The following GRXCR1 variants were observed in gnomAD, a reference collection of about 807,000 sequenced individuals.
GRXCR1 encodes glutaredoxin and cysteine rich domain containing 1.
GRXCR1 carries 27 observed loss-of-function variants against 27.3 expected under a neutral mutation model. The observed-to-expected ratio is 0.99, with a 90% confidence interval of 0.73 to 1.37. The LOEUF is 1.37. Among genes scored for constraint, GRXCR1 ranks in the 40% most tolerant of loss-of-function variants. GRXCR1 has a pLI of 0.00. For synonymous variants in GRXCR1, 122 were observed against 131.1 expected (o/e 0.93, Z 0.47); for missense variants, 379 against 354.4 (o/e 1.07, Z -0.56).
intron 2 of GRXCR1, 128 bp downstream of exon 2, chr4:42,963,262 A>AGG: frequency 9.9e-7 from 1 of 1,011,568 alleles, no homozygotes; most frequent in Non-Finnish European, 1.6e-6. Context: ...CTCAAACCAA[A>AGG]GGGATTGGAG....
At chr4:42,927,251 C>G (rs1472595377) in intron 1 of GRXCR1, among the ~76,000 whole-genome samples, 6 of 151,892 alleles carry the variant, frequency 4.0e-5, no homozygotes, top group Non-Finnish European at 8.8e-5. Flanking sequence ...CTGGGGTTGT[C>G]TTGCTATGAT....
intron 2 of GRXCR1, among the ~76,000 whole-genome samples, chr4:43,003,817 A>G (rs561334234): frequency 1.3e-5 from 2 of 152,338 alleles, no homozygotes; most frequent in East Asian, 3.9e-4. Context: ...CTTATGTTTA[A>G]AGGGGAAGCA....
At chr4:42,961,458 A>G (rs1298206822) in intron 1 of GRXCR1, among the ~76,000 whole-genome samples, 3 of 152,004 alleles carry the variant, frequency 2.0e-5, no homozygotes, top group Non-Finnish European at 4.4e-5. Flanking sequence ...TTAAGTTGCT[A>G]CGTAAAATAA....
At chr4:42,925,437 C>T (rs1212540960) in intron 1 of GRXCR1, among the ~76,000 whole-genome samples, 2 of 151,924 alleles carry the variant, frequency 1.3e-5, no homozygotes, top group African/African-American at 4.8e-5. Flanking sequence ...GCATCAGGAT[C>T]CTGAATCAAA....
At chr4:43,003,242 A>G (rs1202581589) in intron 2 of GRXCR1, among the ~76,000 whole-genome samples, 1 of 152,198 alleles carries the variant, frequency 6.6e-6, no homozygotes, top group Non-Finnish European at 1.5e-5. Flanking sequence ...AACATGGCAT[A>G]TGTATACGTA....
At chr4:42,958,822 C>T (rs1037002292) in intron 1 of GRXCR1, among the ~76,000 whole-genome samples, 1 of 151,854 alleles carries the variant, frequency 6.6e-6, no homozygotes, top group African/African-American at 2.4e-5. Context: ...AAGTGCTCAA[C>T]ATCAATAATA....
At chr4:43,029,174 A>T (rs1207546950) in intron 3 of GRXCR1, among the ~76,000 whole-genome samples, 1 of 152,224 alleles carries the variant, frequency 6.6e-6, no homozygotes, top group Non-Finnish European at 1.5e-5. Flanking sequence ...AAAAATTCTC[A>T]TAATTATATG....
intron 1 of GRXCR1, among the ~76,000 whole-genome samples, chr4:42,925,488 A>C (rs1013850097): frequency 6.6e-6 from 1 of 152,112 alleles, no homozygotes; most frequent in South Asian, 2.1e-4. Flanking sequence ...CAGTTAACCA[A>C]ATTTTGCTAA....
At chr4:42,905,699 C>T (rs1746572885) in intron 1 of GRXCR1, among the ~76,000 whole-genome samples, 1 of 152,170 alleles carries the variant, frequency 6.6e-6, no homozygotes, top group African/African-American at 2.4e-5. Context: ...CAAAAGAAAA[C>T]ATTCCTTACA....
chr4:42,903,460 C>T (rs1219042564), intron 1 of GRXCR1, among the ~76,000 whole-genome samples: 1 of 145,908 alleles, frequency 6.9e-6, no homozygotes, highest in African/African-American at 2.5e-5. Context: ...TACAGGCACC[C>T]ACCACCACGC....
chr4:42,937,675 C>T (rs2345759), intron 1 of GRXCR1, among the ~76,000 whole-genome samples: 30,921 of 151,774 alleles, frequency 0.2, 3,898 homozygotes, highest in Admixed American at 0.3. Context: ...TTCTAAATTC[C>T]CACTCTCAAC....
intron 1 of GRXCR1, among the ~76,000 whole-genome samples, chr4:42,900,028 C>G (rs1440489257): frequency 6.6e-6 from 1 of 152,100 alleles, no homozygotes; most frequent in Admixed American, 6.6e-5. Flanking sequence ...CTTAAAAATG[C>G]AATTTAACAG....
At chr4:43,005,368 T>C (rs943488536) in intron 2 of GRXCR1, among the ~76,000 whole-genome samples, 1 of 152,190 alleles carries the variant, frequency 6.6e-6, no homozygotes, top group Non-Finnish European at 1.5e-5. Context: ...GTTTCTGACA[T>C]TTTTTAGTTG....
intron 2 of GRXCR1, among the ~76,000 whole-genome samples, chr4:43,015,460 A>G (rs1225408968): frequency 1.3e-5 from 2 of 152,126 alleles, no homozygotes; most frequent in Admixed American, 6.6e-5. Flanking sequence ...TTATTTGAAA[A>G]CAATATTTTT....
At chr4:42,940,232 T>C (rs1747584827) in intron 1 of GRXCR1, among the ~76,000 whole-genome samples, 1 of 152,094 alleles carries the variant, frequency 6.6e-6, no homozygotes, top group Non-Finnish European at 1.5e-5. Context: ...CTCATGCTAG[T>C]ACACACTTTG....
chr4:42,945,937 A>T (rs1019254983), intron 1 of GRXCR1, among the ~76,000 whole-genome samples: 5 of 152,168 alleles, frequency 3.3e-5, no homozygotes, highest in Non-Finnish European at 5.9e-5. Context: ...CAAGTTTTTC[A>T]GCCTTTTCCT....
intron 2 of GRXCR1, among the ~76,000 whole-genome samples, chr4:42,985,748 T>G (rs2109787810): frequency 6.6e-6 from 1 of 152,284 alleles, no homozygotes; most frequent in South Asian, 2.1e-4. Flanking sequence ...CAAATCTAGG[T>G]TTCCTTTTAG....
chr4:42,934,741 C>T (rs763274028), intron 1 of GRXCR1, among the ~76,000 whole-genome samples: 2 of 151,928 alleles, frequency 1.3e-5, no homozygotes, highest in Non-Finnish European at 2.9e-5. Context: ...ATAAGGGCCA[C>T]ATATATAACA....
chr4:42,986,610 T>G (rs1711732460), intron 2 of GRXCR1, among the ~76,000 whole-genome samples: 1 of 152,210 alleles, frequency 6.6e-6, no homozygotes, highest in African/African-American at 2.4e-5. Flanking sequence ...ATCTATACTT[T>G]TTACTTATAC....
Sources: gnomAD v4.1 joint callset for allele counts (sites outside exome capture counted in the v4.1 genomes callset) on GRCh38, gnomAD v4.1.1 for gene constraint, MANE v1.5 for transcripts, NCBI Gene and HGNC (gene_info 2026-07-23, HGNC 2026-07-21) for gene names.